Variants in ASGR1 observed in about 807,000 individuals in gnomAD.
ASGR1 encodes C-type lectin domain family 4 member H1.
A neutral mutation model predicts 33.1 loss-of-function variants in ASGR1; 35 were observed. The observed-to-expected ratio is 1.06, with a 90% CI of 0.81 to 1.40. The LOEUF is 1.40. Among genes scored for constraint, ASGR1 ranks in the 40% most tolerant of loss-of-function variants. The probability of loss-of-function intolerance (pLI) is 0.00; values close to 1 mark genes in which losing one functional copy is unlikely to be tolerated. For synonymous variants in ASGR1, 142 were observed against 152.5 expected (o/e 0.93, Z 0.51); for missense variants, 396 against 373.7 (o/e 1.06, Z -0.49).
At chr17:7,175,857 C>T (rs1185811951) in intron 5 of ASGR1, among the ~76,000 whole-genome samples, 1 of 137,316 alleles carries the variant, frequency 7.3e-6, no homozygotes, top group African/African-American at 3.2e-5. Context: ...TTCTCACACA[C>T]ACTCCCACTC....
chr17:7,176,523 A>C (rs2069212531), intron 5 of ASGR1: 2 of 395,724 alleles, frequency 5.1e-6, no homozygotes, highest in African/African-American at 3.1e-5. Flanking sequence ...ACCCCCTCTC[A>C]TTCCCACACA....
At chr17:7,176,718 A>C in intron 5 of ASGR1, 112 bp downstream of exon 5, 1 of 1,442,924 alleles carries the variant, frequency 6.9e-7, no homozygotes, top group Non-Finnish European at 9.4e-7. Flanking sequence ...ACACACACAC[A>C]CTCCCTCTCA....
At chr17:7,175,585 TACAC>T (rs542705569) in intron 5 of ASGR1, among the ~76,000 whole-genome samples, 90 of 150,894 alleles carry the variant, frequency 6.0e-4, no homozygotes, top group African/African-American at 2.1e-3. Context: ...CACATGCACT[TACAC>T]ATATACTTAC....
intron 1 of ASGR1, 138 bp from the exon 2 acceptor site, chr17:7,178,726 TTTTTTTC>T (rs2069244369): frequency 1.5e-5 from 7 of 461,286 alleles, no homozygotes; most frequent in Admixed American, 4.6e-5. Flanking sequence ...TTCTTTTTCT[TTTTTTTC>T]TTTTCTTTTT....
At chr17:7,176,423 T>C (rs2069209594) in intron 5 of ASGR1, among the ~76,000 whole-genome samples, 1 of 136,262 alleles carries the variant, frequency 7.3e-6, no homozygotes, top group Non-Finnish European at 1.5e-5. Flanking sequence ...ACAGACACAC[T>C]CCGTCATTCT....
chr17:7,177,036 C>A lies in ASGR1; in HGVS notation c.228G>T (p.Thr76=), dbSNP rs747875423. The part of the protein sequence containing the change: ...LQEELRGLRE[T]FSNFTASTEA... ...CCGTGCTCGCTGTGAAGTTGCTGAA[C>A]GTCTCTCTCAGGCCCCGCAGCTCCT... Residue 76 remains threonine, a synonymous_variant, in exon 4 of 9, where the codon ACG becomes ACT. Coordinates refer to ENST00000269299, the MANE Select transcript of ASGR1 (RefSeq NM_001671.5). 1 of 1,612,694 alleles carries A rather than the reference C, an allele frequency of 6.2e-7. No homozygotes were observed. The highest frequency in any genetic ancestry group is 8.5e-7 in the Non-Finnish European group (1 of 1,179,812).
chr17:7,176,792 TCACACA>T lies in ASGR1; in HGVS notation c.355+32_355+37del, dbSNP rs71361405. The stretch of plus-strand genomic sequence containing the variant: ...CACATCCACACATTCTCACTCTCTT[TCACACA>T]CACACACACACACACACACTCCCTC... On this transcript the variant is annotated intron_variant, in intron 5 of 8. Transcript: ENST00000269299. The T allele has an allele frequency of 9.0e-3, 13,236 of 1,474,656 alleles. 110 individuals carry two copies. Among genetic ancestry groups the T allele is most frequent in the South Asian group, 0.039 (3,344 of 86,050 alleles). The allele number at this position is 1,474,656 out of a possible 1,614,324, so 91.3% of individuals were successfully genotyped here. A position where few individuals can be genotyped will look rare whatever the true frequency, so the allele number is the denominator to read the frequency against.
chr17:7,175,389 CACA>C (rs1324125832), intron 5 of ASGR1, among the ~76,000 whole-genome samples: 3 of 149,126 alleles, frequency 2.0e-5, no homozygotes, highest in Non-Finnish European at 3.0e-5. Context: ...ACACAAAAAC[CACA>C]ACACACCCTC....
At chr17:7,176,702 ACT>A (rs984814235) in intron 5 of ASGR1, 126 bp downstream of exon 5, 99 of 1,353,156 alleles carry the variant, frequency 7.3e-5, no homozygotes, top group African/African-American at 3.6e-4. Flanking sequence ...TCACACACAG[ACT>A]CACACACACA....
intron 2 of ASGR1, chr17:7,177,735 C>T: frequency 5.3e-6 from 1 of 189,640 alleles, no homozygotes; most frequent in Non-Finnish European, 1.1e-5. Flanking sequence ...ATGAATTCCA[C>T]TTGTCTTTGG....
chr17:7,176,436 C>G (rs1567793667), intron 5 of ASGR1, among the ~76,000 whole-genome samples: 1 of 145,562 alleles, frequency 6.9e-6, no homozygotes, highest in African/African-American at 2.6e-5. Context: ...GTCATTCTCA[C>G]ACTCTCACAC....
Position 7,174,121 on chromosome 17 carries a change from A to AC in ASGR1, c.594+16dup. 1.2e-6 allele frequency: 2 copies of AC among 1,613,626 alleles called. No homozygotes were observed. Among genetic ancestry groups the AC allele is most frequent in the Non-Finnish European group, 1.7e-6 (2 of 1,179,814 alleles). ...TCTCCGAGGCCAGCCAGCCTCCCAG[A>AC]CCCTCCGGGTCCTCACCTGCTCCTC... On this transcript the variant is annotated intron_variant, in intron 7 of 8. Transcript: ENST00000269299.
chr17:7,177,731 T>G, intron 2 of ASGR1: 1 of 189,634 alleles, frequency 5.3e-6, no homozygotes, highest in South Asian at 9.9e-5. Flanking sequence ...GTCCATGAAT[T>G]CCACTTGTCT....
At chr17:7,175,752 T>C (rs1597422590) in intron 5 of ASGR1, among the ~76,000 whole-genome samples, 1 of 134,700 alleles carries the variant, frequency 7.4e-6, no homozygotes, top group African/African-American at 2.9e-5. Context: ...CAAACACCCA[T>C]CCACACTCCT....
intron 5 of ASGR1, 76 bp downstream of exon 5, chr17:7,176,752 TCA>T (rs2069220008): frequency 1.4e-5 from 22 of 1,552,728 alleles, no homozygotes; most frequent in East Asian, 2.3e-5. Context: ...CCACACACAC[TCA>T]CACTTTCTCA....
At chr17:7,175,259 A>T (rs940694478) in intron 5 of ASGR1, among the ~76,000 whole-genome samples, 6 of 145,962 alleles carry the variant, frequency 4.1e-5, no homozygotes, top group African/African-American at 1.3e-4. Context: ...ATACACCCTC[A>T]CACACACACA....
At chr17:7,175,766 C>T (rs1425697776) in intron 5 of ASGR1, among the ~76,000 whole-genome samples, 1 of 148,738 alleles carries the variant, frequency 6.7e-6, no homozygotes, top group African/African-American at 2.6e-5. Context: ...CACTCCTTCT[C>T]ATTTTCACAC....
In ASGR1 at chr17:7,178,472, G is replaced by A. The variant is rs781590979; in HGVS notation, c.70+22C>T. On this transcript the variant is annotated intron_variant, in intron 2 of 8. Transcript: ENST00000269299. ...AACCGCCAAATTCTCGCCTTGCAGA[G>A]GCAGGGCAAGGTGGCCCTCACCTTT... The A allele has an allele frequency of 3.7e-6, 6 of 1,610,826 alleles. No individual in the cohort carries two copies. In the East Asian group the frequency reaches 1.1e-4, roughly 30 times the overall value.
intron 2 of ASGR1, chr17:7,178,271 G>C: frequency 1.8e-6 from 1 of 563,266 alleles, no homozygotes; most frequent in East Asian, 2.9e-5. Flanking sequence ...CGAGGGCCAG[G>C]AGGCACAGGA....
Sources: gnomAD v4.1 joint callset for allele counts (sites outside exome capture counted in the v4.1 genomes callset) on GRCh38, gnomAD v4.1.1 for gene constraint, MANE v1.5 for transcripts, NCBI Gene and HGNC (gene_info 2026-07-23, HGNC 2026-07-21) for gene names.